DMD: variants seen among roughly 807,000 people sequenced by gnomAD.
DMD encodes the protein mutant dystrophin.
In DMD, 63 loss-of-function variants were observed where a neutral mutation model predicts 330.1. The observed-to-expected ratio is 0.19, with a 90% CI of 0.16 to 0.24. The LOEUF (loss-of-function observed/expected upper bound fraction) is 0.24, where lower values mean the gene tolerates loss of function less well. Among genes scored for constraint, DMD ranks in the 10% least tolerant of loss-of-function variants. DMD has a pLI of 1.00. For missense variants in DMD, 3,344 were observed against 2,684.1 expected, an observed-to-expected ratio of 1.25 and a Z score of -5.43; for synonymous variants, 1,223 against 959.8, an observed-to-expected ratio of 1.27 and a Z score of -5.07.
intron 15 of DMD, 67 bp downstream of exon 15, chrX:32,573,463 C>T: frequency 3.5e-6 from 3 of 867,676 alleles, no homozygotes; most frequent in Non-Finnish European, 1.7e-6. Context: ...ATAGAAGAGA[C>T]TAAATAATAG....
At chrX:32,786,843 C>T (rs2075397719) in intron 7 of DMD, among the ~76,000 whole-genome samples, 1 of 111,425 alleles carries the variant, frequency 9.0e-6, no homozygotes, top group African/African-American at 3.3e-5. Context: ...TGCAAATGAC[C>T]AAAATAATAG....
chrX:31,741,195 G>A (rs1290414844), intron 51 of DMD, among the ~76,000 whole-genome samples: 1 of 111,433 alleles, frequency 9.0e-6, no homozygotes, highest in Admixed American at 9.5e-5. Context: ...CTGAAGTCTT[G>A]GACCCTCAAA....
Position 32,285,277 on chromosome X carries a change from A to AGAACTTCCCAAGAGTGGAAT in DMD, c.6290+2232_6290+2251dup, listed in dbSNP as rs760342427. ...TATAAGAAGACAAACCAGAGGGGGA[A>AGAACTTCCCAAGAGTGGAAT]GAACTTCCCAAGAGTGGAATGAACA... On this transcript the variant is annotated intron_variant, in intron 43 of 78. Transcript: ENST00000357033. Among the ~76,000 whole-genome samples, 482 of 112,215 alleles carry AGAACTTCCCAAGAGTGGAAT rather than the reference A, an allele frequency of 4.3e-3. 1 individual carries two copies. The highest frequency in any genetic ancestry group is 7.2e-3 in the Non-Finnish European group (383 of 53,223).
intron 9 of DMD, among the ~76,000 whole-genome samples, chrX:32,691,329 A>C (rs1331037150): frequency 9.1e-6 from 1 of 110,463 alleles, no homozygotes; most frequent in African/African-American, 3.3e-5. Flanking sequence ...CAAAAAAAAA[A>C]AAACTAAAAA....
At chrX:32,861,376 A>C (rs1191268236) in intron 2 of DMD, among the ~76,000 whole-genome samples, 2 of 111,152 alleles carry the variant, frequency 1.8e-5, no homozygotes, top group African/African-American at 6.7e-5. Context: ...AGCATAGAAA[A>C]TGCTCAATAA....
intron 2 of DMD, among the ~76,000 whole-genome samples, chrX:32,959,351 G>C: frequency 9.0e-6 from 1 of 111,029 alleles, no homozygotes; most frequent in Non-Finnish European, 1.9e-5. Context: ...TAGATCCAGG[G>C]ACTCTTCTCA....
chrX:33,009,779 CAT>C (rs1302535324), intron 2 of DMD, among the ~76,000 whole-genome samples: 2 of 28,205 alleles, frequency 7.1e-5, no homozygotes, highest in Non-Finnish European at 1.4e-4. Context: ...TATATACACA[CAT>C]ATGTGTATAT....
chrX:33,055,685 C>G (rs1172095610), intron 1 of DMD, among the ~76,000 whole-genome samples: 2 of 111,417 alleles, frequency 1.8e-5, no homozygotes, highest in South Asian at 7.5e-4. Flanking sequence ...ATTACAAATA[C>G]TCATGGAAAT....
chrX:31,254,422 C>T (rs1603235198), intron 63 of DMD, among the ~76,000 whole-genome samples: 2 of 111,349 alleles, frequency 1.8e-5, no homozygotes. Context: ...AGTGATGTAA[C>T]CTCGGCTCAC....
At position 31,169,544 on chromosome X, in the gene DMD, G is replaced by A; in HGVS notation, c.10452C>T (p.Pro3484=). ...HYCQSLNQDS[P]LSQPRSPAQI... The stretch of plus-strand genomic sequence containing the variant: ...GGGCAGGACTACGAGGCTGGCTCAG[G>A]GGGGAGTCCTGGTTCAAACTTTGGC... Residue 3484 remains proline, a synonymous_variant, in exon 74 of 79, where the codon CCC becomes CCT. Coordinates refer to ENST00000357033, the MANE Select transcript of DMD (RefSeq NM_004006.3). The A allele has an allele frequency of 4.1e-6, 5 of 1,204,997 alleles. No individual in the cohort carries two copies. In the South Asian group the frequency reaches 5.3e-5, roughly 13 times the overall value.
chrX:31,134,290 T>C, intron 76 of DMD, 96 bp from the exon 77 acceptor site: 5 of 667,337 alleles, frequency 7.5e-6, no homozygotes, highest in Non-Finnish European at 1.2e-5. Context: ...TATAAATTCA[T>C]TTCACTTGCT....
chrX:31,713,609 G>A (rs374549427), intron 52 of DMD, among the ~76,000 whole-genome samples: 3 of 111,490 alleles, frequency 2.7e-5, no homozygotes, highest in Non-Finnish European at 3.8e-5. Context: ...TGTACAGAGC[G>A]ATAAATGGAT....
intron 17 of DMD, among the ~76,000 whole-genome samples, chrX:32,526,446 T>A (rs2046947246): frequency 9.1e-6 from 1 of 110,480 alleles, no homozygotes; most frequent in Admixed American, 9.7e-5. Context: ...TTGGCAAAAG[T>A]GTATTACTAC....
intron 44 of DMD, among the ~76,000 whole-genome samples, chrX:31,989,560 T>A (rs1303425416): frequency 1.8e-5 from 2 of 110,767 alleles, no homozygotes; most frequent in Non-Finnish European, 3.8e-5. Context: ...AGGTTTTGAT[T>A]TACAAGCGCA....
At chrX:32,299,585 G>C (rs915484544) in intron 42 of DMD, among the ~76,000 whole-genome samples, 2 of 108,502 alleles carry the variant, frequency 1.8e-5, no homozygotes, top group African/African-American at 6.7e-5. Flanking sequence ...TCAAGAAACT[G>C]TATAGCGTAG....
chrX:32,067,147 C>A (rs6628674), intron 44 of DMD, among the ~76,000 whole-genome samples: 11,755 of 110,528 alleles, frequency 0.11, 691 homozygotes, highest in African/African-American at 0.22. Flanking sequence ...ATCTTTCTGA[C>A]AGATTATCAG....
At chrX:32,338,968 G>T (rs1332589498) in intron 41 of DMD, among the ~76,000 whole-genome samples, 1 of 112,072 alleles carries the variant, frequency 8.9e-6, no homozygotes, top group East Asian at 2.8e-4. Flanking sequence ...TTAAACAAAT[G>T]CTGCGTACTT....
chrX:31,506,906 A>G (rs2071005248), intron 56 of DMD, among the ~76,000 whole-genome samples: 1 of 112,236 alleles, frequency 8.9e-6, no homozygotes, highest in Non-Finnish European at 1.9e-5. Flanking sequence ...GTATGCATTT[A>G]GACTAATGCC....
chrX:31,566,076 C>T (rs745315470), intron 55 of DMD, among the ~76,000 whole-genome samples: 1 of 111,596 alleles, frequency 9.0e-6, no homozygotes, highest in Non-Finnish European at 1.9e-5. Flanking sequence ...TCTTTTCATC[C>T]TCCCTCACAG....
Sources: allele counts gnomAD v4.1 joint callset (sites outside exome capture counted in the v4.1 genomes callset), GRCh38; gene constraint gnomAD v4.1.1; transcripts MANE v1.5; gene names NCBI Gene and HGNC (gene_info 2026-07-23, HGNC 2026-07-21).